The following SLC36A2 variants were observed in gnomAD, a reference collection of about 807,000 sequenced individuals.
SLC36A2 encodes the protein proton-coupled amino acid transporter 2.
Under a neutral mutation model 42.7 loss-of-function variants are expected in SLC36A2, and 39 were observed. The observed-to-expected ratio is 0.91, with a 90% CI of 0.71 to 1.19. The LOEUF (loss-of-function observed/expected upper bound fraction) is 1.19. Among genes scored for constraint, SLC36A2 ranks in the 50% most tolerant of loss-of-function variants. The pLI is 0.00. For synonymous variants in SLC36A2, 237 were observed against 240.8 expected (o/e 0.98, Z 0.15); for missense variants, 590 against 613.7 (o/e 0.96, Z 0.41).
At chr5:151,318,526 A>AAAT (rs1428987349) in intron 9 of SLC36A2, among the ~76,000 whole-genome samples, 1 of 119,370 alleles carries the variant, frequency 8.4e-6, no homozygotes, top group Non-Finnish European at 1.7e-5. Flanking sequence ...ATAAAAATAT[A>AAAT]ATAATTATTT....
intron 5 of SLC36A2, among the ~76,000 whole-genome samples, chr5:151,337,315 T>A (rs1756188193): frequency 6.6e-6 from 1 of 152,146 alleles, no homozygotes; most frequent in Admixed American, 6.5e-5. Context: ...AATACCCAGC[T>A]CAGATGCACC....
intron 7 of SLC36A2, among the ~76,000 whole-genome samples, chr5:151,326,217 A>G (rs1048466075): frequency 4.6e-5 from 7 of 152,358 alleles, no homozygotes; most frequent in African/African-American, 1.7e-4. Flanking sequence ...AGATCTGGCC[A>G]GCAGATGCGT....
intron 7 of SLC36A2, among the ~76,000 whole-genome samples, chr5:151,327,059 C>T (rs922655318): frequency 2.0e-5 from 3 of 152,134 alleles, no homozygotes; most frequent in Non-Finnish European, 4.4e-5. Context: ...AAGCGATCCT[C>T]CCACATCGGC....
intron 6 of SLC36A2, 137 bp downstream of exon 6, chr5:151,335,192 A>G (rs1425490280): frequency 3.0e-6 from 2 of 675,656 alleles, no homozygotes; most frequent in East Asian, 5.5e-5. Flanking sequence ...TTGTAGAAGA[A>G]ATGCTACAGT....
chr5:151,330,713 A>G (rs1188767132), intron 7 of SLC36A2, among the ~76,000 whole-genome samples: 1 of 152,210 alleles, frequency 6.6e-6, no homozygotes, highest in Non-Finnish European at 1.5e-5. Flanking sequence ...CAAAGATGAT[A>G]ACATTGTTGG....
chr5:151,346,166 C>T (rs1052229521), intron 1 of SLC36A2, among the ~76,000 whole-genome samples: 1 of 152,244 alleles, frequency 6.6e-6, no homozygotes, highest in African/African-American at 2.4e-5. Context: ...ACACAAGAGA[C>T]AGGTGGTTCC....
At chr5:151,344,292 A>G in intron 1 of SLC36A2, 25 bp from the exon 2 acceptor site, 1 of 1,588,628 alleles carries the variant, frequency 6.3e-7, no homozygotes, top group Non-Finnish European at 8.6e-7. Flanking sequence ...GGAGATGTGA[A>G]GTATGGGTGT....
intron 5 of SLC36A2, among the ~76,000 whole-genome samples, chr5:151,338,368 TA>T (rs1403801203): frequency 1.3e-5 from 2 of 152,106 alleles, no homozygotes; most frequent in Non-Finnish European, 2.9e-5. Flanking sequence ...CAATAACTAT[TA>T]AGCCATAGAT....
intron 9 of SLC36A2, among the ~76,000 whole-genome samples, chr5:151,321,681 C>CTT (rs56323943): frequency 8.1e-5 from 11 of 135,024 alleles, no homozygotes; most frequent in Non-Finnish European, 1.1e-4. Flanking sequence ...CTGACTGATT[C>CTT]TTTTTTTTTT....
chr5:151,333,730 T>C (rs1813116), intron 6 of SLC36A2, among the ~76,000 whole-genome samples: 53,488 of 151,506 alleles, frequency 0.35, 12,700 homozygotes, highest in African/African-American at 0.67. Flanking sequence ...GGCGTGGTGG[T>C]GGGCGCCTGT....
Position 151,319,138 on chromosome 5 carries a change from A to C in SLC36A2, c.1181-2050T>G, listed in dbSNP as rs1440251315. The C allele has an allele frequency of 4.1e-6, 4 of 975,426 alleles. No individual in the cohort carries two copies. In the African/African-American group the frequency reaches 7.0e-5, roughly 17 times the overall value. The allele number at this position is 975,426 out of a possible 1,614,324, so 60.4% of individuals were successfully genotyped here. A position where few individuals can be genotyped will look rare whatever the true frequency, so the allele number is the denominator to read the frequency against. Reference sequence around the variant, plus strand: ...TTCTGCATAGGACATAAAAGTCTTCAATGAGATTTTTCATGTAAAGCATTC... The same window carrying C: ...TTCTGCATAGGACATAAAAGTCTTCCATGAGATTTTTCATGTAAAGCATTC... On this transcript the variant is annotated intron_variant, in intron 9 of 9. Transcript: ENST00000335244.
At chr5:151,330,438 A>G (rs893685968) in intron 7 of SLC36A2, among the ~76,000 whole-genome samples, 1 of 152,256 alleles carries the variant, frequency 6.6e-6, no homozygotes. Context: ...CTAGAATTCC[A>G]TATTGTGCAA....
At chr5:151,332,016 G>A (rs1756010873) in intron 7 of SLC36A2, among the ~76,000 whole-genome samples, 1 of 151,966 alleles carries the variant, frequency 6.6e-6, no homozygotes, top group South Asian at 2.1e-4. Flanking sequence ...ACAGGTACAT[G>A]CTGCCACTCC....
intron 7 of SLC36A2, among the ~76,000 whole-genome samples, chr5:151,326,812 C>CTTTTTTTTTTTTTTTTTT (rs5872202): frequency 7.0e-6 from 1 of 142,282 alleles, no homozygotes; most frequent in Non-Finnish European, 1.5e-5. Flanking sequence ...ATGAATTTAC[C>CTTTTTTTTTTTTTTTTTT]TTTTTTTTTT....
At chr5:151,330,283 G>A (rs1489854312) in intron 7 of SLC36A2, among the ~76,000 whole-genome samples, 3 of 152,048 alleles carry the variant, frequency 2.0e-5, no homozygotes, top group African/African-American at 7.2e-5. Context: ...GCTGATTAAA[G>A]AAGATTTTAA....
intron 7 of SLC36A2, among the ~76,000 whole-genome samples, chr5:151,331,656 C>T (rs547897276): frequency 1.2e-4 from 19 of 152,040 alleles, no homozygotes; most frequent in South Asian, 8.3e-4. Flanking sequence ...AGACATAAGA[C>T]AAAAAGCACA....
rs770754487 is a variant in SLC36A2, at chr5:151,347,437, C to T, written c.24G>A (p.Glu8=). The part of the protein sequence containing the change: MSVTKST[E]GPQGAVAIKL... ...TGATGGCAACGGCTCCCTGGGGACC[C>T]TCAGTACTTTTTGTCACAGACATGA... The change falls in exon 1 of 10, where the codon GAG becomes GAA. Residue 8 remains glutamate (E), a synonymous_variant. Coordinates refer to ENST00000335244, the MANE Select transcript of SLC36A2 (RefSeq NM_181776.3). 1 of 1,614,126 alleles carries T rather than the reference C, an allele frequency of 6.2e-7. No individual in the cohort carries two copies. The highest frequency in any genetic ancestry group is 8.5e-7 in the Non-Finnish European group (1 of 1,180,034).
chr5:151,323,190 G>A (rs1296509785), intron 8 of SLC36A2, among the ~76,000 whole-genome samples: 1 of 151,938 alleles, frequency 6.6e-6, no homozygotes, highest in African/African-American at 2.4e-5. Context: ...AGCTGAGATC[G>A]CACCACTGCA....
At chr5:151,323,082 A>G (rs1430517861) in intron 8 of SLC36A2, among the ~76,000 whole-genome samples, 1 of 152,098 alleles carries the variant, frequency 6.6e-6, no homozygotes, top group Non-Finnish European at 1.5e-5. Flanking sequence ...CCAAAAATAA[A>G]AAATTACCCA....
Sources: gnomAD v4.1 joint callset for allele counts (sites outside exome capture counted in the v4.1 genomes callset) on GRCh38, gnomAD v4.1.1 for gene constraint, MANE v1.5 for transcripts, NCBI Gene and HGNC (gene_info 2026-07-23, HGNC 2026-07-21) for gene names.